Variants in DPY30 observed in about 807,000 individuals in gnomAD.
The protein encoded by DPY30 is dpy-30 histone methyltransferase complex regulatory subunit, also known as protein dpy-30 homolog.
Under a neutral mutation model 16.2 loss-of-function variants are expected in DPY30, and 6 were observed. The ratio of observed to expected loss-of-function variants is 0.37; its 90% CI spans 0.20 to 0.73. The LOEUF is 0.73. Ranked by LOEUF, DPY30 falls within the 30% of genes least tolerant of loss-of-function variation. The pLI is 0.51. For missense variants in DPY30, 73 were observed against 113.1 expected (o/e 0.65, Z 1.61); for synonymous variants, 39 against 38.8 (o/e 1.00, Z -0.02).
intron 5 of DPY30, among the ~76,000 whole-genome samples, chr2:32,015,944 C>G (rs1479573486): frequency 1.3e-5 from 2 of 151,962 alleles, no homozygotes; most frequent in Non-Finnish European, 2.9e-5. Context: ...CCAGGGAGTG[C>G]ACTGGCGCAA....
Position 32,012,845 on chromosome 2 carries a change from T to A in DPY30, n.378-793A>T, listed in dbSNP as rs631826. Among the ~76,000 whole-genome samples the A allele has an allele frequency of 9.3e-3, 1,412 of 152,304 alleles. 18 individuals are homozygous for A. Among genetic ancestry groups the A allele is most frequent in the Non-Finnish European group, 0.015 (1,001 of 68,018 alleles). On this transcript the variant is annotated intron_variant and non_coding_transcript_variant, in intron 5 of 5. Transcript: ENST00000414013. ...GATCATTGATAAAATGGTAAAGTTTTGTTGTAAGTTGCAAGAAAAGGAAAC... is the reference window on the plus strand; with the variant it reads ...GATCATTGATAAAATGGTAAAGTTTAGTTGTAAGTTGCAAGAAAAGGAAAC...
At position 32,039,466 on chromosome 2, in the gene DPY30, T is replaced by C. The variant is rs1052478215; in HGVS notation, c.-10A>G. 19 of 1,613,916 alleles carry C rather than the reference T, an allele frequency of 1.2e-5. No individual in the cohort carries two copies. In the Admixed American group the frequency reaches 3.0e-4, roughly 25 times the overall value. ...TCTGCTCTGGCTCCATGGCGGACCC[T>C]GCAAGTCACAGTCCCCGGATACCAG... On this transcript the variant is annotated 5_prime_UTR_variant, in exon 2 of 5. Coordinates refer to ENST00000342166, the MANE Select transcript of DPY30 (RefSeq NM_001321209.2).
chr2:32,032,060 C>G (rs1197405047), intron 3 of DPY30, among the ~76,000 whole-genome samples: 1 of 151,890 alleles, frequency 6.6e-6, no homozygotes, highest in East Asian at 1.9e-4. Context: ...AATTTTTCTA[C>G]TTTTAATTTT....
chr2:32,039,362 C>A (rs770977458), intron 2 of DPY30, 36 bp from the exon 3 acceptor site: 6 of 1,613,982 alleles, frequency 3.7e-6, no homozygotes, highest in Admixed American at 3.3e-5. Flanking sequence ...AGATATAAGT[C>A]CCCCCTTTCT....
intron 3 of DPY30, among the ~76,000 whole-genome samples, chr2:32,035,090 C>T (rs1022815345): frequency 6.7e-6 from 1 of 148,702 alleles, no homozygotes; most frequent in Non-Finnish European, 1.5e-5. Flanking sequence ...GCCTGGGGGA[C>T]AGAGCGAGAC....
rs570466438 is a variant in DPY30, at chr2:32,033,612, C to T, written c.85-3876G>A. On this transcript the variant is annotated intron_variant, in intron 3 of 4. Coordinates refer to ENST00000342166, the MANE Select transcript of DPY30 (RefSeq NM_001321209.2). ...ACTTGAACCTGGGAGGCGGAGGTTG[C>T]GGTGAGCCGAGATCGCGCCACAGCA... Among the ~76,000 whole-genome samples the T allele has an allele frequency of 2.4e-4, 37 of 152,308 alleles. No homozygotes were observed. The East Asian group carries it at 6.5e-3, about 27-fold the overall frequency.
At chr2:32,023,485 G>C (rs1281926309), downstream of DPY30, 2 of 474,646 alleles carry the variant, frequency 4.2e-6, no homozygotes, top group Admixed American at 4.7e-5. Context: ...CTGCAAAATG[G>C]GAATAATAAT....
intron 3 of DPY30, among the ~76,000 whole-genome samples, chr2:32,034,737 ACCTGTAAT>A (rs1400772723): frequency 2.0e-5 from 3 of 152,124 alleles, no homozygotes; most frequent in African/African-American, 7.2e-5. Flanking sequence ...GGTGACTCAC[ACCTGTAAT>A]CCCAGCACTT....
intron 4 of DPY30, 130 bp from the exon 5 acceptor site, chr2:32,024,386 G>A (rs1387448936): frequency 8.5e-6 from 6 of 703,400 alleles, no homozygotes; most frequent in African/African-American, 7.2e-5. Flanking sequence ...GACATTTGTA[G>A]TAAATAAAAT....
At chr2:32,030,516 C>A (rs1008825160) in intron 3 of DPY30, among the ~76,000 whole-genome samples, 11 of 151,596 alleles carry the variant, frequency 7.3e-5, no homozygotes, top group African/African-American at 2.2e-4. Flanking sequence ...TGTAGTCCCA[C>A]TTACTCGGGA....
chr2:32,036,019 C>G (rs1675723858), intron 3 of DPY30, among the ~76,000 whole-genome samples: 1 of 151,104 alleles, frequency 6.6e-6, no homozygotes, highest in South Asian at 2.1e-4. Context: ...GGGTCTCACT[C>G]TGTCACCCAC....
In DPY30 at chr2:32,032,041, A is replaced by G. The variant is rs1003961308; in HGVS notation, c.85-2305T>C. Among the ~76,000 whole-genome samples the G allele has an allele frequency of 7.9e-5, 12 of 152,284 alleles. No homozygotes were observed. In the South Asian group the frequency reaches 2.5e-3, roughly 32 times the overall value. On this transcript the variant is annotated intron_variant, in intron 3 of 4. Transcript: ENST00000342166. Reference sequence around the variant, plus strand: ...ACTCAAACTAGATATAAAAGAGTCGACAAAGAAAAATTTTTCTACTTTTAA... The same window carrying G: ...ACTCAAACTAGATATAAAAGAGTCGGCAAAGAAAAATTTTTCTACTTTTAA...
intron 5 of DPY30, among the ~76,000 whole-genome samples, chr2:32,016,117 C>G (rs529057590): frequency 1.3e-5 from 2 of 152,072 alleles, no homozygotes; most frequent in African/African-American, 4.8e-5. Flanking sequence ...CCAGGCTGGT[C>G]TCGAACTCCT....
chr2:32,026,401 A>C (rs68076008), intron 4 of DPY30, among the ~76,000 whole-genome samples: 23,101 of 152,142 alleles, frequency 0.15, 1,980 homozygotes, highest in Middle Eastern at 0.27. Context: ...CAGAGCGAGA[A>C]CTTGTCTCAA....
At chr2:32,013,791 C>T (rs546674494) in intron 5 of DPY30, among the ~76,000 whole-genome samples, 11 of 152,252 alleles carry the variant, frequency 7.2e-5, no homozygotes, top group Admixed American at 6.5e-4. Context: ...GGGCGGATCA[C>T]GTGGCCAAGA....
rs1675462947 is a variant in DPY30, at chr2:32,029,729, A to G, written c.92T>C (p.Val31Ala). 6.2e-7 allele frequency: 1 copy of G among 1,613,880 alleles called. No homozygotes were observed. Among genetic ancestry groups the G allele is most frequent in the South Asian group, 1.1e-5 (1 of 91,074 alleles). The change falls in exon 4 of 5, where the codon GTA becomes GCA. Residue 31 changes from valine to alanine, a missense_variant. Coordinates refer to ENST00000342166, the MANE Select transcript of DPY30 (RefSeq NM_001321209.2). ...YGLTDNVERI[V>A]ENEKINAEKS... ...TTCTGCATTAATCTTCTCATTTTCT[A>G]CTATTCTCTAGTGAATTCAAAAAAA...
At chr2:32,031,920 AT>A (rs1437101480) in intron 3 of DPY30, among the ~76,000 whole-genome samples, 1 of 145,492 alleles carries the variant, frequency 6.9e-6, no homozygotes, top group Non-Finnish European at 1.5e-5. Context: ...AAATAAAAAA[AT>A]GAAAGAGACA....
Position 32,036,248 on chromosome 2 carries a change from G to T in DPY30, c.84+3031C>A, listed in dbSNP as rs186562282. 9.7e-3 allele frequency among the ~76,000 whole-genome samples: 1,475 copies of T among 152,090 alleles called. 26 individuals carry two copies. Among genetic ancestry groups the T allele is most frequent in the South Asian group, 0.048 (232 of 4,820 alleles). On this transcript the variant is annotated intron_variant, in intron 3 of 4. Coordinates refer to ENST00000342166, the MANE Select transcript of DPY30 (RefSeq NM_001321209.2). ...CCACCTTGGCCTCCCAACGGGCTGG[G>T]ATTACAGGCATGAGTCACGTCCCAT...
intron 5 of DPY30, among the ~76,000 whole-genome samples, chr2:32,016,927 G>A (rs1675077197): frequency 6.6e-6 from 1 of 152,064 alleles, no homozygotes; most frequent in African/African-American, 2.4e-5. Context: ...CTGTCACCCA[G>A]GCTGGAGTGC....
Sources: gnomAD v4.1 joint callset for allele counts (sites outside exome capture counted in the v4.1 genomes callset) on GRCh38, gnomAD v4.1.1 for gene constraint, MANE v1.5 for transcripts, NCBI Gene and HGNC (gene_info 2026-07-23, HGNC 2026-07-21) for gene names.